The following ACSS3 variants were observed in gnomAD, a reference collection of about 807,000 sequenced individuals.
ACSS3 encodes acyl-CoA synthetase short chain family member 3.
Under a neutral mutation model 84.2 loss-of-function variants are expected in ACSS3, and 64 were observed. The observed-to-expected ratio is 0.76, with a 90% CI of 0.62 to 0.94. The LOEUF (loss-of-function observed/expected upper bound fraction) is 0.94, where lower values mean the gene tolerates loss of function less well. Among genes scored for constraint, ACSS3 ranks in the 40% least tolerant of loss-of-function variants. The pLI, the probability that ACSS3 is intolerant of heterozygous loss-of-function variation, is 0.00. For missense variants in ACSS3, 815 were observed against 867.6 expected, an observed-to-expected ratio of 0.94 and a Z score of 0.76; for synonymous variants, 317 against 310.1, an observed-to-expected ratio of 1.02 and a Z score of -0.23.
intron 11 of ACSS3, among the ~76,000 whole-genome samples, chr12:81,223,812 T>A (rs2033187050): frequency 6.6e-6 from 1 of 152,034 alleles, no homozygotes. Flanking sequence ...CAGGCTTCAA[T>A]TTATTTCTAT....
chr12:81,218,827 A>G (rs1233267021), intron 10 of ACSS3, among the ~76,000 whole-genome samples: 1 of 152,130 alleles, frequency 6.6e-6, no homozygotes, highest in African/African-American at 2.4e-5. Context: ...TGCAGACAGT[A>G]CAGGTTAAAC....
At chr12:81,189,670 T>A (rs1316810) in intron 8 of ACSS3, among the ~76,000 whole-genome samples, 69,758 of 151,874 alleles carry the variant, frequency 0.46, 16,560 homozygotes, top group Middle Eastern at 0.52. Flanking sequence ...CCTTTTACCA[T>A]CACAGTGGTG....
chr12:81,189,666 A>G (rs1358745869), intron 8 of ACSS3, among the ~76,000 whole-genome samples: 2 of 152,048 alleles, frequency 1.3e-5, no homozygotes, highest in Non-Finnish European at 2.9e-5. Flanking sequence ...TTTTCCTTTT[A>G]CCATCACAGT....
chr12:81,118,782 T>C (rs540808432), intron 2 of ACSS3, among the ~76,000 whole-genome samples: 2 of 152,340 alleles, frequency 1.3e-5, no homozygotes, highest in African/African-American at 4.8e-5. Flanking sequence ...TTATTGTGTA[T>C]TATTTATTGA....
intron 2 of ACSS3, among the ~76,000 whole-genome samples, chr12:81,111,078 G>C (rs963306373): frequency 6.6e-6 from 1 of 152,014 alleles, no homozygotes; most frequent in Non-Finnish European, 1.5e-5. Flanking sequence ...TGCTAGGCTG[G>C]GTATCAGCCT....
At chr12:81,184,054 C>T (rs1382462877) in intron 8 of ACSS3, among the ~76,000 whole-genome samples, 1 of 151,894 alleles carries the variant, frequency 6.6e-6, no homozygotes, top group African/African-American at 2.4e-5. Flanking sequence ...AAAAAAAGCC[C>T]TAACAAACTT....
At chr12:81,120,454 A>G (rs932369380) in intron 2 of ACSS3, among the ~76,000 whole-genome samples, 4 of 152,236 alleles carry the variant, frequency 2.6e-5, no homozygotes, top group Non-Finnish European at 5.9e-5. Flanking sequence ...AAAAATTAAC[A>G]TATGAAACTA....
intron 1 of ACSS3, among the ~76,000 whole-genome samples, chr12:81,084,009 G>A (rs1881161505): frequency 6.6e-6 from 1 of 152,148 alleles, no homozygotes; most frequent in Admixed American, 6.5e-5. Flanking sequence ...GTCGGCGATG[G>A]GTCAGTATTC....
intron 2 of ACSS3, among the ~76,000 whole-genome samples, chr12:81,127,273 T>C (rs1011534336): frequency 1.3e-5 from 2 of 151,996 alleles, no homozygotes; most frequent in Non-Finnish European, 2.9e-5. Context: ...TGAAAATATT[T>C]ATATTCCTGA....
At chr12:81,170,182 T>C (rs2029929517) in intron 7 of ACSS3, among the ~76,000 whole-genome samples, 1 of 152,178 alleles carries the variant, frequency 6.6e-6, no homozygotes, top group South Asian at 2.1e-4. Context: ...AATTTTATTT[T>C]GCTAAGTGGT....
chr12:81,086,271 C>A (rs1215967680), intron 1 of ACSS3, among the ~76,000 whole-genome samples: 4 of 152,032 alleles, frequency 2.6e-5, no homozygotes, highest in African/African-American at 9.7e-5. Flanking sequence ...ATAAAATCAT[C>A]ATTATTTTAT....
chr12:81,133,555 T>C (rs1211121469), intron 2 of ACSS3, among the ~76,000 whole-genome samples: 2 of 152,146 alleles, frequency 1.3e-5, no homozygotes, highest in African/African-American at 4.8e-5. Context: ...AGTACATTCA[T>C]AGATATCCAC....
intron 7 of ACSS3, among the ~76,000 whole-genome samples, chr12:81,168,716 T>C (rs540943243): frequency 6.6e-6 from 1 of 152,164 alleles, no homozygotes; most frequent in Non-Finnish European, 1.5e-5. Context: ...TTAAGGACAG[T>C]GAAGCATTTC....
chr12:81,105,961 C>A (rs563357412), intron 1 of ACSS3, among the ~76,000 whole-genome samples: 1 of 152,166 alleles, frequency 6.6e-6, no homozygotes. Context: ...GAAGTGGAAG[C>A]TGACTGAATT....
intron 7 of ACSS3, among the ~76,000 whole-genome samples, chr12:81,159,702 A>G (rs958149446): frequency 2.6e-5 from 4 of 152,242 alleles, no homozygotes; most frequent in Non-Finnish European, 4.4e-5. Context: ...TGCCAAAGAG[A>G]AGGGATAAAA....
chr12:81,145,309 G>A (rs1886289392), intron 5 of ACSS3, among the ~76,000 whole-genome samples: 1 of 151,888 alleles, frequency 6.6e-6, no homozygotes, highest in South Asian at 2.1e-4. Context: ...TCCTCCTAAT[G>A]TACCATCCTG....
chr12:81,137,437 G>A (rs1294083105), intron 3 of ACSS3, among the ~76,000 whole-genome samples: 1 of 151,842 alleles, frequency 6.6e-6, no homozygotes, highest in Non-Finnish European at 1.5e-5. Flanking sequence ...CAGGTCAAAT[G>A]TAAGGAGAGA....
chr12:81,246,972 T>C (rs2034003702), intron 13 of ACSS3, among the ~76,000 whole-genome samples: 3 of 152,190 alleles, frequency 2.0e-5, no homozygotes, highest in Admixed American at 2.0e-4. Flanking sequence ...TTTGTACCTA[T>C]CTTCAGTTCA....
intron 8 of ACSS3, among the ~76,000 whole-genome samples, chr12:81,195,562 T>G (rs1034518131): frequency 1.3e-5 from 2 of 152,108 alleles, no homozygotes; most frequent in African/African-American, 2.4e-5. Context: ...TCAAATTGCA[T>G]ATGGATATGT....
Sources: gnomAD v4.1 joint callset for allele counts (sites outside exome capture counted in the v4.1 genomes callset) on GRCh38, gnomAD v4.1.1 for gene constraint, MANE v1.5 for transcripts, NCBI Gene and HGNC (gene_info 2026-07-23, HGNC 2026-07-21) for gene names.